ZBTB40: variants seen among roughly 807,000 people sequenced by gnomAD.
The protein encoded by ZBTB40 is zinc finger and BTB domain containing 40.
ZBTB40 carries 60 observed loss-of-function variants against 117.5 expected under a neutral mutation model. The ratio of observed to expected loss-of-function variants is 0.51; its 90% confidence interval spans 0.41 to 0.63. ZBTB40 has a LOEUF of 0.63. Among genes scored for constraint, ZBTB40 ranks in the 30% least tolerant of loss-of-function variants. ZBTB40 has a pLI of 0.00. For synonymous variants in ZBTB40, 525 were observed against 577.1 expected (o/e 0.91, Z 1.29); for missense variants, 1,287 against 1,498.5 (o/e 0.86, Z 2.33).
intron 3 of ZBTB40, among the ~76,000 whole-genome samples, chr1:22,496,878 G>C (rs889074236): frequency 2.0e-5 from 3 of 152,238 alleles, no homozygotes; most frequent in African/African-American, 7.2e-5. Flanking sequence ...TAGGCCGTCT[G>C]TACCTTGAGG....
At chr1:22,521,165 TTA>T (rs1202858536) in intron 14 of ZBTB40, among the ~76,000 whole-genome samples, 1 of 152,348 alleles carries the variant, frequency 6.6e-6, no homozygotes, top group East Asian at 1.9e-4. Flanking sequence ...TCTCCTGATG[TTA>T]TGATTAGTCA....
At chr1:22,482,017 C>T (rs1327583698) in intron 1 of ZBTB40, among the ~76,000 whole-genome samples, 2 of 151,710 alleles carry the variant, frequency 1.3e-5, no homozygotes, top group Non-Finnish European at 1.5e-5. Flanking sequence ...CCATAAAACA[C>T]CAAGAGATAA....
At chr1:22,523,570 G>A (rs1639597010) in intron 16 of ZBTB40, among the ~76,000 whole-genome samples, 1 of 152,176 alleles carries the variant, frequency 6.6e-6, no homozygotes, top group Non-Finnish European at 1.5e-5. Flanking sequence ...AAGAATTGAA[G>A]GCCATTCGTT....
chr1:22,460,683 A>G lies in ZBTB40; in HGVS notation c.-70+8679A>G, dbSNP rs191832579. Reference sequence around the variant, plus strand: ...CAGGTTTTGAAAGGTTAAGTAACTCAAGGTTACAAAGCTAACGTCAGATTT... The same window carrying G: ...CAGGTTTTGAAAGGTTAAGTAACTCGAGGTTACAAAGCTAACGTCAGATTT... On this transcript the variant is annotated intron_variant, in intron 1 of 17. Transcript: ENST00000375647. Among the ~76,000 whole-genome samples, 835 of 152,326 alleles carry G rather than the reference A, an allele frequency of 5.5e-3. 3 individuals carry two copies. The highest frequency in any genetic ancestry group is 7.7e-3 in the Non-Finnish European group (527 of 68,024).
chr1:22,530,739 T>C lies in ZBTB40; in HGVS notation c.*4343T>C, dbSNP rs1639807760. 6.6e-6 allele frequency: 1 copy of C among 152,340 alleles called. No homozygotes were observed. Among genetic ancestry groups the C allele is most frequent in the South Asian group, 2.1e-4 (1 of 4,828 alleles). The allele number at this position is 152,340 out of a possible 1,614,324, so 9.4% of individuals were successfully genotyped here. A position where few individuals can be genotyped will look rare whatever the true frequency, so the allele number is the denominator to read the frequency against. Reference sequence around the variant, plus strand: ...TGGACTGTGATGTTATAGACCTGCTTTCTCTTTGGTTCTGGGCCAGTGTCA... The same window carrying C: ...TGGACTGTGATGTTATAGACCTGCTCTCTCTTTGGTTCTGGGCCAGTGTCA... On this transcript the variant is annotated 3_prime_UTR_variant, in exon 18 of 18. Coordinates refer to ENST00000375647, the MANE Select transcript of ZBTB40 (RefSeq NM_014870.4).
chr1:22,526,147 C>T, intron 17 of ZBTB40, 55 bp from the exon 18 acceptor site: 2 of 1,591,962 alleles, frequency 1.3e-6, no homozygotes, highest in Non-Finnish European at 1.7e-6. Flanking sequence ...CCATGTAAAT[C>T]AGGGAGCCAA....
intron 1 of ZBTB40, among the ~76,000 whole-genome samples, chr1:22,464,086 C>G (rs1392154108): frequency 6.6e-6 from 1 of 152,228 alleles, no homozygotes; most frequent in Non-Finnish European, 1.5e-5. Context: ...TGCTATGTCC[C>G]TGGCCTGTGG....
upstream of ZBTB40, among the ~76,000 whole-genome samples, chr1:22,447,141 G>T (rs531652975): frequency 4.6e-5 from 7 of 152,010 alleles, no homozygotes; most frequent in Admixed American, 2.0e-4. Context: ...GATATGGTTG[G>T]TAATGGTTAC....
chr1:22,479,436 A>T (rs1638229476), intron 1 of ZBTB40, among the ~76,000 whole-genome samples: 1 of 152,172 alleles, frequency 6.6e-6, no homozygotes, highest in Non-Finnish European at 1.5e-5. Flanking sequence ...ATAGTTTATC[A>T]TATAAATACT....
chr1:22,502,720 T>TGGAC (rs1167939113), intron 5 of ZBTB40, among the ~76,000 whole-genome samples: 1 of 151,898 alleles, frequency 6.6e-6, no homozygotes, highest in Non-Finnish European at 1.5e-5. Context: ...GATGGATGGA[T>TGGAC]GGACGGACGG....
In ZBTB40 at chr1:22,493,770, G is replaced by A. The variant is rs536712890; in HGVS notation, c.831+2237G>A. On this transcript the variant is annotated intron_variant, in intron 3 of 17. Transcript: ENST00000375647. Reference sequence around the variant, plus strand: ...ATTTTTTGTCTGGCTTTCATTGAGCGTAAGTATCTTGAGATTCACCCATGT... The same window carrying A: ...ATTTTTTGTCTGGCTTTCATTGAGCATAAGTATCTTGAGATTCACCCATGT... Among the ~76,000 whole-genome samples the A allele has an allele frequency of 8.7e-5, 13 of 148,624 alleles. No homozygotes were observed. In the South Asian group the frequency reaches 2.1e-3, roughly 24 times the overall value.
intron 1 of ZBTB40, among the ~76,000 whole-genome samples, chr1:22,487,445 A>G (rs2124426225): frequency 6.6e-6 from 1 of 152,254 alleles, no homozygotes; most frequent in East Asian, 1.9e-4. Context: ...AAGATCCTCA[A>G]ACCCAAAACT....
chr1:22,470,763 A>C (rs768679547), intron 1 of ZBTB40, among the ~76,000 whole-genome samples: 2 of 152,200 alleles, frequency 1.3e-5, no homozygotes, highest in Non-Finnish European at 2.9e-5. Context: ...ACATCACAGA[A>C]TGTCAGTTGG....
chr1:22,527,757 G>A lies in ZBTB40; in HGVS notation c.*1361G>A, dbSNP rs769798048. 3 of 152,358 alleles carry A rather than the reference G, an allele frequency of 2.0e-5. No homozygotes were observed. The highest frequency in any genetic ancestry group is 2.9e-5 in the Non-Finnish European group (2 of 68,066). The allele number at this position is 152,358 out of a possible 1,614,324, so 9.4% of individuals were successfully genotyped here. On this transcript the variant is annotated 3_prime_UTR_variant, in exon 18 of 18. Coordinates refer to ENST00000375647, the MANE Select transcript of ZBTB40 (RefSeq NM_014870.4). ...TGCCATGTACAGAGGCAGGAGTCAC[G>A]TTTGGTCACCATGGAAGCTTTTATT... is the stretch of plus-strand genomic sequence containing the variant.
At position 22,529,886 on chromosome 1, in the gene ZBTB40, G is replaced by A. The variant is rs2124483671; in HGVS notation, c.*3490G>A. On this transcript the variant is annotated 3_prime_UTR_variant, in exon 18 of 18. Coordinates refer to ENST00000375647, the MANE Select transcript of ZBTB40 (RefSeq NM_014870.4). ...AGAAATCCAGTCAGACAGACAGTGG[G>A]GAGACAGGTCCCTGCCCTTTATTTG... 6.6e-6 allele frequency: 1 copy of A among 152,190 alleles called. No homozygotes were observed. The highest frequency in any genetic ancestry group is 3.4e-3 in the Middle Eastern group (1 of 296). 9.4% of individuals were successfully genotyped at this position (152,190 alleles called of 1,614,324 possible). A position where few individuals can be genotyped will look rare whatever the true frequency, so the allele number is the denominator to read the frequency against.
chr1:22,525,785 C>T (rs572135770), intron 17 of ZBTB40, among the ~76,000 whole-genome samples: 202 of 152,322 alleles, frequency 1.3e-3, no homozygotes, highest in African/African-American at 4.7e-3. Flanking sequence ...GCCCCGGGCC[C>T]ACCTGGGCCT....
chr1:22,525,079 C>G (rs895909118), intron 17 of ZBTB40, among the ~76,000 whole-genome samples: 3 of 152,118 alleles, frequency 2.0e-5, no homozygotes, highest in African/African-American at 7.2e-5. Context: ...TTAGACTGTC[C>G]CGCTGTCCAG....
intron 3 of ZBTB40, among the ~76,000 whole-genome samples, chr1:22,500,991 C>G (rs1557509545): frequency 1.3e-5 from 2 of 152,070 alleles, no homozygotes; most frequent in Non-Finnish European, 2.9e-5. Flanking sequence ...CATCCCTGCC[C>G]ATGAAATACT....
chr1:22,469,598 C>T (rs1641351134), intron 1 of ZBTB40, among the ~76,000 whole-genome samples: 1 of 151,888 alleles, frequency 6.6e-6, no homozygotes, highest in African/African-American at 2.4e-5. Context: ...ACTCTGTCAC[C>T]CAGGCTGGAG....
Sources: gnomAD v4.1 joint callset for allele counts (sites outside exome capture counted in the v4.1 genomes callset) on GRCh38, gnomAD v4.1.1 for gene constraint, MANE v1.5 for transcripts, NCBI Gene and HGNC (gene_info 2026-07-23, HGNC 2026-07-21) for gene names.